The following SUGCT variants were observed in gnomAD, a reference collection of about 807,000 sequenced individuals.
SUGCT encodes the protein succinyl-CoA:glutarate-CoA transferase, also known as succinyl-CoA:glutarate CoA-transferase.
A neutral mutation model predicts 55.0 loss-of-function variants in SUGCT; 41 were observed. The ratio of observed to expected loss-of-function variants is 0.74; its 90% CI spans 0.58 to 0.97. The LOEUF is 0.97. Ranked by LOEUF, SUGCT falls within the 50% of genes least tolerant of loss-of-function variation. The pLI is 0.00. For missense variants in SUGCT, 568 were observed against 547.8 expected (o/e 1.04, Z -0.37); for synonymous variants, 187 against 200.4 (o/e 0.93, Z 0.56).
At chr7:40,819,032 G>C (rs1791833126) in intron 13 of SUGCT, among the ~76,000 whole-genome samples, 1 of 151,256 alleles carries the variant, frequency 6.6e-6, no homozygotes, top group Non-Finnish European at 1.5e-5. Context: ...CCTTGCAATA[G>C]TTTGCCGAGA....
At chr7:40,286,492 C>T (rs1251678208) in intron 8 of SUGCT, among the ~76,000 whole-genome samples, 1 of 152,120 alleles carries the variant, frequency 6.6e-6, no homozygotes, top group African/African-American at 2.4e-5. Context: ...TGTAAGGTGG[C>T]ATATTCATAG....
intron 13 of SUGCT, among the ~76,000 whole-genome samples, chr7:40,786,110 A>G (rs1789998506): frequency 6.6e-6 from 1 of 152,104 alleles, no homozygotes; most frequent in African/African-American, 2.4e-5. Flanking sequence ...AAATAAGAAG[A>G]AAAAAGAAAG....
intron 12 of SUGCT, among the ~76,000 whole-genome samples, chr7:40,619,812 A>C (rs187764903): frequency 1.8e-4 from 28 of 152,354 alleles, no homozygotes; most frequent in Admixed American, 1.4e-3. Context: ...GAGGGCTGAT[A>C]GTTTCCATTA....
chr7:40,912,216 G>A, the SUGCT span, among the ~76,000 whole-genome samples: 1 of 151,994 alleles, frequency 6.6e-6, no homozygotes, highest in Non-Finnish European at 1.5e-5. Flanking sequence ...ATTTAGATTG[G>A]CCACATTTAT....
the SUGCT span, among the ~76,000 whole-genome samples, chr7:40,949,592 A>T: frequency 5.9e-5 from 9 of 152,284 alleles, no homozygotes; most frequent in Admixed American, 2.0e-4. Context: ...TTTTAGGTCT[A>T]CCATTTAAGT....
At chr7:41,030,689 T>C in the SUGCT span, among the ~76,000 whole-genome samples, 1 of 152,162 alleles carries the variant, frequency 6.6e-6, no homozygotes, top group African/African-American at 2.4e-5. Context: ...TCATACATTA[T>C]AAATTCTGAA....
intron 8 of SUGCT, among the ~76,000 whole-genome samples, chr7:40,282,478 A>AAAAAAC (rs1411069156): frequency 7.6e-6 from 1 of 131,450 alleles, no homozygotes; most frequent in South Asian, 2.6e-4. Flanking sequence ...AAAAATACTG[A>AAAAAAC]AAAAACAAAA....
the SUGCT span, among the ~76,000 whole-genome samples, chr7:40,962,916 A>G: frequency 6.6e-6 from 1 of 152,274 alleles, no homozygotes; most frequent in South Asian, 2.1e-4. Context: ...GCAGGTTTCC[A>G]GGAAGATCAT....
chr7:40,309,887 A>G (rs1234905720), intron 8 of SUGCT, among the ~76,000 whole-genome samples: 1 of 33,394 alleles, frequency 3.0e-5, no homozygotes, highest in African/African-American at 1.1e-4. Flanking sequence ...TAACCAAAAA[A>G]GTATTAAAAA....
intron 6 of SUGCT, among the ~76,000 whole-genome samples, chr7:40,234,663 C>T (rs1788907707): frequency 6.6e-6 from 1 of 152,106 alleles, no homozygotes; most frequent in Non-Finnish European, 1.5e-5. Flanking sequence ...AATCTCAGCA[C>T]TTCGGGAGAC....
the SUGCT span, among the ~76,000 whole-genome samples, chr7:41,019,450 T>C: frequency 6.6e-6 from 1 of 152,348 alleles, no homozygotes; most frequent in South Asian, 2.1e-4. Flanking sequence ...TTGCCAGTTC[T>C]TGAGGTGGTG....
At chr7:40,170,915 G>C (rs184848297) in intron 1 of SUGCT, among the ~76,000 whole-genome samples, 14 of 152,132 alleles carry the variant, frequency 9.2e-5, no homozygotes, top group Non-Finnish European at 1.8e-4. Context: ...GATTCTAGTG[G>C]TCCTTTACCA....
the SUGCT span, among the ~76,000 whole-genome samples, chr7:40,880,957 C>G: frequency 6.6e-6 from 1 of 152,168 alleles, no homozygotes; most frequent in South Asian, 2.1e-4. Context: ...TCCTTGAAAG[C>G]TATGCAGAAT....
chr7:40,615,201 T>C (rs181441838), intron 12 of SUGCT, among the ~76,000 whole-genome samples: 212 of 152,318 alleles, frequency 1.4e-3, no homozygotes, highest in African/African-American at 4.9e-3. Flanking sequence ...TATAGTCAGA[T>C]TGATGAAAGA....
chr7:40,854,800 G>A (rs1485539369), intron 13 of SUGCT, among the ~76,000 whole-genome samples: 1 of 151,846 alleles, frequency 6.6e-6, no homozygotes, highest in Non-Finnish European at 1.5e-5. Context: ...GCCTGCTGTG[G>A]TGGTACACTC....
At chr7:40,471,775 T>A (rs908724067) in intron 11 of SUGCT, among the ~76,000 whole-genome samples, 7 of 152,088 alleles carry the variant, frequency 4.6e-5, no homozygotes, top group Admixed American at 1.3e-4. Context: ...TAAAGCAACA[T>A]AAATAAATTG....
intron 8 of SUGCT, among the ~76,000 whole-genome samples, chr7:40,296,293 C>T (rs553777320): frequency 6.6e-6 from 1 of 152,204 alleles, no homozygotes; most frequent in South Asian, 2.1e-4. Context: ...GTTAAATATT[C>T]GATTCCCTTG....
At chr7:40,474,039 T>A (rs1175168328) in intron 11 of SUGCT, among the ~76,000 whole-genome samples, 1 of 152,102 alleles carries the variant, frequency 6.6e-6, no homozygotes, top group East Asian at 1.9e-4. Context: ...TTCTCCCCCT[T>A]TCCCTATGTC....
At chr7:40,149,052 G>T (rs557250489) in intron 1 of SUGCT, among the ~76,000 whole-genome samples, 1 of 152,208 alleles carries the variant, frequency 6.6e-6, no homozygotes, top group African/African-American at 2.4e-5. Context: ...TAGGGGTGGG[G>T]AACCTTGGAG....
Sources: gnomAD v4.1 joint callset for allele counts (sites outside exome capture counted in the v4.1 genomes callset) on GRCh38, gnomAD v4.1.1 for gene constraint, MANE v1.5 for transcripts, NCBI Gene and HGNC (gene_info 2026-07-23, HGNC 2026-07-21) for gene names.